HSPD1: variants seen among roughly 807,000 people sequenced by gnomAD.
HSPD1 encodes the protein 60 kDa heat shock protein, mitochondrial.
Under a neutral mutation model 53.0 loss-of-function variants are expected in HSPD1, and 3 were observed. That is an observed-to-expected ratio of 0.06 (90% CI 0.03 to 0.15). The LOEUF is 0.15. Among genes scored for constraint, HSPD1 ranks in the 10% least tolerant of loss-of-function variants. The pLI is 1.00. For missense variants in HSPD1, 431 were observed against 694.1 expected (o/e 0.62, Z 4.26); for synonymous variants, 200 against 228.0 (o/e 0.88, Z 1.10).
In HSPD1 at chr2:197,491,317, C is replaced by T. The variant is rs998852808; in HGVS notation, c.870-1021G>A. 3.4e-4 allele frequency among the ~76,000 whole-genome samples: 52 copies of T among 151,872 alleles called. 1 individual carries two copies. Among genetic ancestry groups the T allele is most frequent in the Non-Finnish European group, 5.4e-4 (37 of 67,928 alleles). The stretch of plus-strand genomic sequence containing the variant: ...ATTCTCCTGCCTCAGCCCGCCACCA[C>T]GCCCAGCTAATTTTTTGTATTTTTA... On this transcript the variant is annotated intron_variant, in intron 7 of 11. Coordinates refer to ENST00000388968, the MANE Select transcript of HSPD1 (RefSeq NM_002156.5).
chr2:197,488,089 C>CA, intron 10 of HSPD1, 53 bp from the exon 11 acceptor site: 1 of 1,281,910 alleles, frequency 7.8e-7, no homozygotes, highest in Non-Finnish European at 1.1e-6. Context: ...AATATTGTAA[C>CA]ACATTTATAA....
chr2:197,489,029 T>C lies in HSPD1; in HGVS notation c.1188A>G (p.Lys396=). 3.7e-6 allele frequency: 6 copies of C among 1,613,948 alleles called. No homozygotes were observed. The highest frequency in any genetic ancestry group is 5.1e-6 in the Non-Finnish European group (6 of 1,179,848). ...TCAGCACAGCCACTCCATCTGAAAG[T>C]TTTGCAAGCCGTTCATTCAGTTTTT... The part of the protein sequence containing the change: ...EKEKLNERLA[K]LSDGVAVLKV... Residue 396 remains lysine, a synonymous_variant, in exon 9 of 12, where the codon AAA becomes AAG. Coordinates refer to ENST00000388968, the MANE Select transcript of HSPD1 (RefSeq NM_002156.5).
Position 197,487,179 on chromosome 2 carries a change from A to G in HSPD1, c.1589T>C (p.Leu530Ser). The G allele has an allele frequency of 6.2e-7, 1 of 1,613,420 alleles. No homozygotes were observed. Among genetic ancestry groups the G allele is most frequent in the South Asian group, 1.1e-5 (1 of 91,056 alleles). The change falls in exon 12 of 12, where the codon TTG becomes TCG. Residue 530 changes from leucine to serine, a missense_variant. By Grantham distance (145) the Leu-to-Ser change is moderately radical. Transcript: ENST00000388968. ...DPTKVVRTAL[L>S]DAAGVASLLT... ...CAGAGAGGCCACACCAGCAGCATCC[A>G]ATAAAGCAGTTCTCACAACCTAGAA... is the stretch of plus-strand genomic sequence containing the variant.
intron 1 of HSPD1, chr2:197,499,064 T>TAGCACCAGCACAA (rs1559304720): frequency 3.2e-6 from 2 of 616,172 alleles, no homozygotes; most frequent in African/African-American, 3.7e-5. Flanking sequence ...GCCTGACCTA[T>TAGCACCAGCACAA]AGCACCAGCA....
intron 7 of HSPD1, among the ~76,000 whole-genome samples, chr2:197,493,006 CA>C (rs11400864): frequency 0.024 from 3,437 of 141,356 alleles, 122 homozygotes; most frequent in African/African-American, 0.086. Context: ...GACTCTGTCT[CA>C]AAAAAAAAAA....
At chr2:197,500,126 T>G, upstream of HSPD1, 1 of 472,738 alleles carries the variant, frequency 2.1e-6, no homozygotes, top group South Asian at 2.7e-5. Context: ...AATCGCGTCA[T>G]TTCCGGGAGG....
rs3214832 is a variant in HSPD1, at chr2:197,494,591, CAGATAACTCAAACTTTTGATCATA to C, written c.606+42_606+65del. 0.2 allele frequency: 229,337 copies of C among 1,153,152 alleles called. 20,383 individuals carry two copies. Among genetic ancestry groups the C allele is most frequent in the Middle Eastern group, 0.27 (1,013 of 3,782 alleles). 71.4% of individuals were successfully genotyped at this position (1,153,152 alleles called of 1,614,324 possible). ...GTTTGAAAAATTCAGTTTTGATCAT[CAGATAACTCAAACTTTTGATCATA>C]AGATAACTCAAAATTATCTTTAAAA... On this transcript the variant is annotated intron_variant, in intron 5 of 11. Transcript: ENST00000388968.
intron 1 of HSPD1, chr2:197,499,258 C>T: frequency 1.0e-5 from 3 of 301,390 alleles, no homozygotes; most frequent in African/African-American, 2.2e-5. Flanking sequence ...GTATTCCTGA[C>T]GGTGCAAAAA....
chr2:197,493,460 G>A lies in HSPD1; in HGVS notation c.733C>T (p.Leu245=), dbSNP rs1255925300. Residue 245 remains leucine, a synonymous_variant, in exon 7 of 12, where the codon CTG becomes TTG. Coordinates refer to ENST00000388968, the MANE Select transcript of HSPD1 (RefSeq NM_002156.5). ...QKCEFQDAYV[L]LSEKKISSIQ... is the part of the protein sequence containing the mutation. ...CTAGAAATTTTCTTTTCACTCAACA[G>A]AACATAGGCATCCTGGAATTCACAT... The A allele has an allele frequency of 8.1e-6, 13 of 1,612,608 alleles. No individual in the cohort carries two copies. Among genetic ancestry groups the A allele is most frequent in the Non-Finnish European group, 1.0e-5 (12 of 1,178,660 alleles).
chr2:197,499,118 G>C, intron 1 of HSPD1: 1 of 534,124 alleles, frequency 1.9e-6, no homozygotes, highest in Non-Finnish European at 3.4e-6. Flanking sequence ...TATCCCTGCC[G>C]CCAAAAACGA....
upstream of HSPD1, chr2:197,500,226 C>T (rs1406664539): frequency 1.6e-6 from 1 of 628,292 alleles, no homozygotes. Flanking sequence ...GTCTTCGCGT[C>T]AGCGTCCTGC....
At chr2:197,489,396 CTTGAG>C in intron 8 of HSPD1, 149 bp from the exon 9 acceptor site, 1 of 817,686 alleles carries the variant, frequency 1.2e-6, no homozygotes, top group Non-Finnish European at 2.0e-6. Flanking sequence ...CAGAACAAGA[CTTGAG>C]TATAGTCTCT....
At chr2:197,499,026 G>A (rs776718510) in intron 1 of HSPD1, 176 bp from the exon 2 acceptor site, 11 of 683,846 alleles carry the variant, frequency 1.6e-5, no homozygotes, top group Admixed American at 1.2e-4. Flanking sequence ...AGCCACTAGC[G>A]CAAGCTAAAG....
chr2:197,491,975 T>C (rs767176761), intron 7 of HSPD1, among the ~76,000 whole-genome samples: 5 of 152,242 alleles, frequency 3.3e-5, no homozygotes, highest in South Asian at 2.1e-4. Flanking sequence ...AGGCAACATA[T>C]TGAGACCTCG....
intron 10 of HSPD1, 83 bp downstream of exon 10, chr2:197,488,234 A>G (rs577179457): frequency 1.4e-5 from 17 of 1,219,360 alleles, no homozygotes; most frequent in Non-Finnish European, 1.8e-5. Flanking sequence ...TGAATGTGCT[A>G]TTCCATTTAG....
At chr2:197,491,898 G>T (rs1270010780) in intron 7 of HSPD1, among the ~76,000 whole-genome samples, 1 of 152,164 alleles carries the variant, frequency 6.6e-6, no homozygotes, top group South Asian at 2.1e-4. Flanking sequence ...CAGCACTTTG[G>T]GAGGCTGAGG....
rs947074299 is a variant in HSPD1 at position 197,490,137 on chromosome 2, C to T, written c.969+60G>A. On this transcript the variant is annotated intron_variant, in intron 8 of 11. Coordinates refer to ENST00000388968, the MANE Select transcript of HSPD1 (RefSeq NM_002156.5). ...ATCTAATTGTGAAATGTTAAACTATCTATAAATTCCAGACAAGTATAAACA... is the reference window on the plus strand; with the variant it reads ...ATCTAATTGTGAAATGTTAAACTATTTATAAATTCCAGACAAGTATAAACA... The T allele has an allele frequency of 5.2e-6, 6 of 1,163,280 alleles. No homozygotes were observed. In the African/African-American group the frequency reaches 7.6e-5, roughly 15 times the overall value. 72.1% of individuals were successfully genotyped at this position (1,163,280 alleles called of 1,614,324 possible). A position where few individuals can be genotyped will look rare whatever the true frequency, so the allele number is the denominator to read the frequency against.
intron 7 of HSPD1, 87 bp from the exon 8 acceptor site, chr2:197,490,383 G>A (rs774590305): frequency 9.8e-6 from 10 of 1,024,518 alleles, no homozygotes; most frequent in Middle Eastern, 2.0e-4. Flanking sequence ...AGATTACTTA[G>A]GACTCCCTAA....
At chr2:197,493,098 C>T (rs989492698) in intron 7 of HSPD1, among the ~76,000 whole-genome samples, 6 of 151,996 alleles carry the variant, frequency 3.9e-5, no homozygotes, top group Non-Finnish European at 2.9e-5. Context: ...CTAAATTAGT[C>T]TATTCTATGA....
Sources: gnomAD v4.1 joint callset for allele counts (sites outside exome capture counted in the v4.1 genomes callset) on GRCh38, gnomAD v4.1.1 for gene constraint, MANE v1.5 for transcripts, NCBI Gene and HGNC (gene_info 2026-07-23, HGNC 2026-07-21) for gene names.